The following CSMD1 variants were observed in gnomAD, a reference collection of about 807,000 sequenced individuals.
The protein encoded by CSMD1 is CUB and Sushi multiple domains 1.
CSMD1 carries 213 observed loss-of-function variants against 417.5 expected under a neutral mutation model. The observed-to-expected ratio is 0.51, with a 90% CI of 0.46 to 0.57. The LOEUF (loss-of-function observed/expected upper bound fraction) is 0.57. Ranked by LOEUF, CSMD1 falls within the 20% of genes least tolerant of loss-of-function variation. The pLI is 0.00. For missense variants in CSMD1, 6,923 were observed against 4,529.7 expected (o/e 1.53, Z -15.17); for synonymous variants, 2,862 against 1,736.8 (o/e 1.65, Z -16.11).
chr8:4,509,244 A>G (rs1055841820), intron 2 of CSMD1, among the ~76,000 whole-genome samples: 3 of 152,154 alleles, frequency 2.0e-5, no homozygotes, highest in Non-Finnish European at 4.4e-5. Flanking sequence ...AAGAGATCAA[A>G]GAGAATCAGA....
At chr8:3,313,778 T>G (rs577135963) in intron 23 of CSMD1, among the ~76,000 whole-genome samples, 1 of 152,090 alleles carries the variant, frequency 6.6e-6, no homozygotes, top group East Asian at 1.9e-4. Flanking sequence ...GGGTATATAC[T>G]CAAAGGATTA....
chr8:4,730,939 C>A (rs1040257995), intron 1 of CSMD1, among the ~76,000 whole-genome samples: 1 of 152,000 alleles, frequency 6.6e-6, no homozygotes, highest in African/African-American at 2.4e-5. Context: ...GCAACCAGGG[C>A]CAGTGTTCCT....
chr8:4,168,741 G>A (rs1483171299), intron 3 of CSMD1, among the ~76,000 whole-genome samples: 3 of 151,992 alleles, frequency 2.0e-5, no homozygotes, highest in Non-Finnish European at 4.4e-5. Flanking sequence ...GACCTCATTG[G>A]CTATTCAAGT....
chr8:4,335,172 G>T (rs573150956), intron 3 of CSMD1, among the ~76,000 whole-genome samples: 2 of 152,214 alleles, frequency 1.3e-5, no homozygotes, highest in Non-Finnish European at 2.9e-5. Flanking sequence ...CCAAGGTGCT[G>T]GGATTACAGG....
chr8:3,349,224 A>G (rs958442229), intron 21 of CSMD1, among the ~76,000 whole-genome samples: 2 of 152,194 alleles, frequency 1.3e-5, no homozygotes, highest in African/African-American at 4.8e-5. Flanking sequence ...TGCTCAAGGT[A>G]CTGCAGAATT....
intron 18 of CSMD1, among the ~76,000 whole-genome samples, chr8:3,378,532 T>C (rs1810450169): frequency 6.6e-6 from 1 of 152,070 alleles, no homozygotes; most frequent in African/African-American, 2.4e-5. Flanking sequence ...CAGCAGCACA[T>C]CAAAAAGCCT....
intron 7 of CSMD1, among the ~76,000 whole-genome samples, chr8:3,690,068 A>G (rs1177753221): frequency 3.3e-5 from 5 of 152,232 alleles, no homozygotes; most frequent in Non-Finnish European, 7.3e-5. Context: ...TAATCCAAAC[A>G]TTGATCTAGG....
At chr8:4,810,185 G>C (rs1464690948) in intron 1 of CSMD1, among the ~76,000 whole-genome samples, 2 of 152,132 alleles carry the variant, frequency 1.3e-5, no homozygotes, top group Admixed American at 6.5e-5. Flanking sequence ...CAAGAACTGA[G>C]CAGTATTAAC....
chr8:4,173,454 C>T (rs1797874567), intron 3 of CSMD1, among the ~76,000 whole-genome samples: 1 of 152,020 alleles, frequency 6.6e-6, no homozygotes, highest in African/African-American at 2.4e-5. Flanking sequence ...TACTGAAGCA[C>T]AGAAGAAGAG....
chr8:4,415,473 G>T (rs1278533259), intron 3 of CSMD1, among the ~76,000 whole-genome samples: 1 of 152,086 alleles, frequency 6.6e-6, no homozygotes, highest in Non-Finnish European at 1.5e-5. Context: ...AGCCCACTCT[G>T]TGATGGCCTC....
intron 3 of CSMD1, among the ~76,000 whole-genome samples, chr8:4,349,253 ACAGAC>A (rs1267948462): frequency 1.4e-4 from 21 of 152,206 alleles, no homozygotes; most frequent in African/African-American, 4.1e-4. Context: ...GGTATTTGGT[ACAGAC>A]CAGTGGTTTT....
At chr8:4,090,783 C>T (rs979188424) in intron 3 of CSMD1, among the ~76,000 whole-genome samples, 1 of 152,064 alleles carries the variant, frequency 6.6e-6, no homozygotes, top group Non-Finnish European at 1.5e-5. Context: ...ATTAATAATT[C>T]ACTGGTGCGT....
chr8:3,486,071 A>G lies in CSMD1; in HGVS notation c.1448+7552T>C, dbSNP rs539485161. The stretch of plus-strand genomic sequence containing the variant: ...AGATAGAAATGATATCTTTGTCACA[A>G]TTTTGTCAAGAAACAATACTGGTGC... On this transcript the variant is annotated intron_variant, in intron 11 of 69. Transcript: ENST00000635120. 7.9e-5 allele frequency among the ~76,000 whole-genome samples: 12 copies of G among 152,256 alleles called. No individual in the cohort carries two copies. The South Asian group carries it at 2.5e-3, about 32-fold the overall frequency.
intron 1 of CSMD1, among the ~76,000 whole-genome samples, chr8:4,779,255 T>C (rs929297581): frequency 2.0e-4 from 30 of 151,766 alleles, no homozygotes; most frequent in Non-Finnish European, 4.0e-4. Context: ...GAAATTGACA[T>C]TACTTCTGAA....
At chr8:4,539,686 T>C (rs951986186) in intron 2 of CSMD1, among the ~76,000 whole-genome samples, 4 of 152,338 alleles carry the variant, frequency 2.6e-5, no homozygotes, top group Admixed American at 6.5e-5. Flanking sequence ...AAGATTATAG[T>C]AGGGGAAAAT....
chr8:3,772,936 T>C (rs1412148166), intron 5 of CSMD1, among the ~76,000 whole-genome samples: 1 of 152,084 alleles, frequency 6.6e-6, no homozygotes, highest in Non-Finnish European at 1.5e-5. Flanking sequence ...CTCACAGTTC[T>C]GGGGTCTGGA....
chr8:4,980,778 G>A (rs1295074110), intron 1 of CSMD1, among the ~76,000 whole-genome samples: 2 of 151,940 alleles, frequency 1.3e-5, no homozygotes, highest in African/African-American at 2.4e-5. Flanking sequence ...GGTGGCATGG[G>A]TCTGTAGTCC....
chr8:4,711,561 A>G (rs550403933), intron 1 of CSMD1, among the ~76,000 whole-genome samples: 2 of 152,306 alleles, frequency 1.3e-5, no homozygotes, highest in South Asian at 4.1e-4. Flanking sequence ...AACAAAGGAC[A>G]GAGAAATTTG....
intron 1 of CSMD1, among the ~76,000 whole-genome samples, chr8:4,859,656 A>G (rs35959278): frequency 0.21 from 31,238 of 152,016 alleles, 3,879 homozygotes; most frequent in Non-Finnish European, 0.28. Flanking sequence ...AACACATGAA[A>G]AAATGCTCAT....
Sources: allele counts gnomAD v4.1 joint callset (sites outside exome capture counted in the v4.1 genomes callset), GRCh38; gene constraint gnomAD v4.1.1; transcripts MANE v1.5; gene names NCBI Gene and HGNC (gene_info 2026-07-23, HGNC 2026-07-21).